NSMCE2: variants seen among roughly 807,000 people sequenced by gnomAD.
The protein encoded by NSMCE2 is NSE2 SUMO ligase component of SMC5/6 complex, also known as E3 SUMO-protein ligase NSE2.
NSMCE2 carries 24 observed loss-of-function variants against 23.8 expected under a neutral mutation model. The ratio of observed to expected loss-of-function variants is 1.01; its 90% CI spans 0.73 to 1.42. NSMCE2 has a LOEUF of 1.42. Among genes scored for constraint, NSMCE2 ranks in the 40% most tolerant of loss-of-function variants. NSMCE2 has a pLI of 0.00. For missense variants in NSMCE2, 284 were observed against 296.5 expected (o/e 0.96, Z 0.31); for synonymous variants, 92 against 94.1 (o/e 0.98, Z 0.13).
intron 5 of NSMCE2, among the ~76,000 whole-genome samples, chr8:125,285,502 A>G (rs536003304): frequency 2.2e-3 from 337 of 152,266 alleles, no homozygotes; most frequent in African/African-American, 7.7e-3. Flanking sequence ...TACCCAGATA[A>G]GAATAGGGTA....
At chr8:125,262,371 C>T (rs1826731562) in intron 5 of NSMCE2, among the ~76,000 whole-genome samples, 1 of 151,758 alleles carries the variant, frequency 6.6e-6, no homozygotes, top group Non-Finnish European at 1.5e-5. Context: ...TTGCAGTGAG[C>T]AGAGATCGCG....
intron 3 of NSMCE2, among the ~76,000 whole-genome samples, chr8:125,147,205 G>A (rs531783007): frequency 6.6e-6 from 1 of 152,300 alleles, no homozygotes; most frequent in African/African-American, 2.4e-5. Flanking sequence ...CTATAGAAAA[G>A]TCACACTGAA....
intron 3 of NSMCE2, among the ~76,000 whole-genome samples, chr8:125,114,769 A>T (rs1030141858): frequency 6.6e-6 from 1 of 152,234 alleles, no homozygotes; most frequent in Admixed American, 6.5e-5. Context: ...ATGTATGCAT[A>T]CATACATACA....
At chr8:125,289,253 A>G (rs984275792) in intron 5 of NSMCE2, among the ~76,000 whole-genome samples, 11 of 152,252 alleles carry the variant, frequency 7.2e-5, no homozygotes, top group Non-Finnish European at 1.3e-4. Context: ...GAGGAAAAAT[A>G]TAGGCAGTTA....
intron 3 of NSMCE2, among the ~76,000 whole-genome samples, chr8:125,111,065 G>T (rs552031477): frequency 6.6e-6 from 1 of 152,264 alleles, no homozygotes; most frequent in South Asian, 2.1e-4. Context: ...TTGAATGATA[G>T]TCTGTTCTTT....
At chr8:125,338,748 C>T (rs925543103) in intron 5 of NSMCE2, among the ~76,000 whole-genome samples, 4 of 152,096 alleles carry the variant, frequency 2.6e-5, no homozygotes, top group African/African-American at 7.2e-5. Context: ...TATCTGTTGT[C>T]AGTAGTTGGG....
intron 5 of NSMCE2, among the ~76,000 whole-genome samples, chr8:125,256,022 G>A (rs1261314918): frequency 6.6e-6 from 1 of 152,196 alleles, no homozygotes; most frequent in Non-Finnish European, 1.5e-5. Flanking sequence ...GGTGGCTCAC[G>A]CCTGTAATCC....
rs1301331853 is a variant in NSMCE2 at position 125,230,649 on chromosome 8, C to CT, written c.418+48393_418+48394insT. Among the ~76,000 whole-genome samples, 6 of 152,120 alleles carry CT rather than the reference C, an allele frequency of 3.9e-5. No homozygotes were observed. In the East Asian group the frequency reaches 9.6e-4, roughly 24 times the overall value. On this transcript the variant is annotated intron_variant, in intron 5 of 7. Coordinates refer to ENST00000287437, the MANE Select transcript of NSMCE2 (RefSeq NM_173685.4). The stretch of plus-strand genomic sequence containing the variant: ...AATAGTAGTACTATTGTAAGCTAAT[C>CT]GTATGCCAATGAGGAAAAACACCTT...
Position 125,164,622 on chromosome 8 carries a change from G to A in NSMCE2, c.264+13345G>A, listed in dbSNP as rs577629845. On this transcript the variant is annotated intron_variant, in intron 4 of 7. Coordinates refer to ENST00000287437, the MANE Select transcript of NSMCE2 (RefSeq NM_173685.4). ...AGCAAAGAATACTGTTATATGTAACGGTTATATTAAAAATAAGAAAAACTT... is the reference window on the plus strand; with the variant it reads ...AGCAAAGAATACTGTTATATGTAACAGTTATATTAAAAATAAGAAAAACTT... Among the ~76,000 whole-genome samples the A allele has an allele frequency of 3.3e-5, 5 of 152,130 alleles. No homozygotes were observed. In the South Asian group the frequency reaches 6.2e-4, roughly 19 times the overall value.
chr8:125,250,254 C>T (rs1411905836), intron 5 of NSMCE2, among the ~76,000 whole-genome samples: 2 of 151,952 alleles, frequency 1.3e-5, no homozygotes, highest in Admixed American at 1.3e-4. Flanking sequence ...CTTCCCAAAG[C>T]CACCACGCCC....
chr8:125,196,439 T>C (rs912444459), intron 5 of NSMCE2, among the ~76,000 whole-genome samples: 14 of 152,218 alleles, frequency 9.2e-5, no homozygotes, highest in Non-Finnish European at 1.6e-4. Context: ...CACCTGTGGG[T>C]GAGAACATGT....
intron 5 of NSMCE2, among the ~76,000 whole-genome samples, chr8:125,237,085 C>T (rs1825588570): frequency 6.6e-6 from 1 of 152,190 alleles, no homozygotes; most frequent in South Asian, 2.1e-4. Flanking sequence ...ACAGTAAATA[C>T]AGGTTGATTT....
intron 5 of NSMCE2, among the ~76,000 whole-genome samples, chr8:125,307,148 C>T (rs760272791): frequency 6.6e-6 from 1 of 152,112 alleles, no homozygotes; most frequent in African/African-American, 2.4e-5. Context: ...TTGTGGGTAC[C>T]GGTCCCTGGT....
At position 125,206,988 on chromosome 8, in the gene NSMCE2, G is replaced by T. The variant is rs560386679; in HGVS notation, c.418+24732G>T. Among the ~76,000 whole-genome samples, 76 of 152,182 alleles carry T rather than the reference G, an allele frequency of 5.0e-4. 1 individual carries two copies. Among genetic ancestry groups the T allele is most frequent in the African/African-American group, 1.8e-3 (74 of 41,518 alleles). ...AAAAAGCATTAAAGGGAGAAAGTTT[G>T]TCTTCTTAGTATCATGTTCTTATTT... On this transcript the variant is annotated intron_variant, in intron 5 of 7. Coordinates refer to ENST00000287437, the MANE Select transcript of NSMCE2 (RefSeq NM_173685.4).
chr8:125,187,302 G>A (rs1355172997), intron 5 of NSMCE2, among the ~76,000 whole-genome samples: 2 of 152,168 alleles, frequency 1.3e-5, no homozygotes, highest in Non-Finnish European at 2.9e-5. Context: ...AGTGATGGTG[G>A]TGATAACTGA....
At chr8:125,109,291 A>T (rs953801029) in intron 3 of NSMCE2, among the ~76,000 whole-genome samples, 1 of 152,160 alleles carries the variant, frequency 6.6e-6, no homozygotes, top group Non-Finnish European at 1.5e-5. Flanking sequence ...GATTAGCGAG[A>T]TAATATTTTA....
intron 5 of NSMCE2, among the ~76,000 whole-genome samples, chr8:125,337,900 A>G (rs7820336): frequency 0.068 from 10,268 of 151,098 alleles, 1,164 homozygotes; most frequent in African/African-American, 0.24. Context: ...AAAAAAAAAA[A>G]AAAAAGAAAG....
At chr8:125,223,062 A>AAAAATAAAATAAAATAAAAT (rs541200115) in intron 5 of NSMCE2, among the ~76,000 whole-genome samples, 123 of 151,784 alleles carry the variant, frequency 8.1e-4, no homozygotes, top group African/African-American at 2.8e-3. Context: ...ACCCTGTCTC[A>AAAAATAAAATAAAATAAAAT]AAAATAAAAT....
At chr8:125,348,094 TTC>T (rs1285151689) in intron 5 of NSMCE2, 3 of 152,222 alleles carry the variant, frequency 2.0e-5, no homozygotes, top group Non-Finnish European at 4.4e-5. Context: ...TAGGTGTCTG[TTC>T]TGTGTGACTG....
Sources: allele counts gnomAD v4.1 joint callset (sites outside exome capture counted in the v4.1 genomes callset), GRCh38; gene constraint gnomAD v4.1.1; transcripts MANE v1.5; gene names NCBI Gene and HGNC (gene_info 2026-07-23, HGNC 2026-07-21).